Variants in RGSL1 observed in about 807,000 individuals in gnomAD.
The protein encoded by RGSL1 is regulator of G protein signaling like 1, also known as regulator of G protein signaling protein-like.
Under a neutral mutation model 124.7 loss-of-function variants are expected in RGSL1, and 97 were observed. That is an observed-to-expected ratio of 0.78 (90% confidence interval 0.66 to 0.92). The LOEUF (loss-of-function observed/expected upper bound fraction) is 0.92, where lower values mean the gene tolerates loss of function less well. Ranked by LOEUF, RGSL1 falls within the 40% of genes least tolerant of loss-of-function variation. RGSL1 has a pLI of 0.00. For synonymous variants in RGSL1, 424 were observed against 438.1 expected, an observed-to-expected ratio of 0.97 and a Z score of 0.40; for missense variants, 1,233 against 1,288.4, an observed-to-expected ratio of 0.96 and a Z score of 0.66.
Position 182,455,569 on chromosome 1 carries a change from G to A in RGSL1, c.96+1529G>A, listed in dbSNP as rs559530422. 1.3e-4 allele frequency among the ~76,000 whole-genome samples: 20 copies of A among 150,222 alleles called. No homozygotes were observed. In the South Asian group the frequency reaches 1.5e-3, roughly 11 times the overall value. ...TGCACTCCAGCCTAAGTGACAGAGC[G>A]AGACTCCACCTCAAAAAGAAAGAAA... is the stretch of plus-strand genomic sequence containing the variant. On this transcript the variant is annotated intron_variant, in intron 2 of 21. Transcript: ENST00000294854.
At chr1:182,509,794 G>C (rs1410076795) in intron 9 of RGSL1, among the ~76,000 whole-genome samples, 2 of 123,372 alleles carry the variant, frequency 1.6e-5, no homozygotes, top group Non-Finnish European at 3.6e-5. Context: ...TCCCGGATGG[G>C]GCGGCTGGCC....
intron 6 of RGSL1, among the ~76,000 whole-genome samples, chr1:182,476,002 T>G (rs375489786): frequency 1.3e-5 from 2 of 152,208 alleles, no homozygotes; most frequent in East Asian, 1.9e-4. Context: ...AGTAAGTGAA[T>G]TAGCCCAAAG....
At chr1:182,529,653 A>G (rs1299850204) in intron 11 of RGSL1, among the ~76,000 whole-genome samples, 2 of 152,224 alleles carry the variant, frequency 1.3e-5, no homozygotes, top group African/African-American at 4.8e-5. Flanking sequence ...ATTTTTATGA[A>G]TATAGAAAAT....
Position 182,459,657 on chromosome 1 carries a change from A to G in RGSL1, c.172-347A>G, listed in dbSNP as rs148910689. On this transcript the variant is annotated intron_variant, in intron 3 of 21. Transcript: ENST00000294854. ...AAGAAGCAAGTTGAATAGAGTTATG[A>G]TCTGACACCACAGACCCAAATCTTT... Among the ~76,000 whole-genome samples the G allele has an allele frequency of 1.8e-4, 28 of 152,328 alleles. No individual in the cohort carries two copies. The East Asian group carries it at 5.2e-3, about 28-fold the overall frequency.
At chr1:182,464,814 T>C (rs1042405357) in intron 4 of RGSL1, among the ~76,000 whole-genome samples, 9 of 151,784 alleles carry the variant, frequency 5.9e-5, no homozygotes, top group South Asian at 2.1e-4. Context: ...AGTCTTGACA[T>C]GATGGTTCAT....
At chr1:182,554,554 A>G (rs892510842) in intron 19 of RGSL1, 73 bp from the exon 20 acceptor site, 1 of 1,335,308 alleles carries the variant, frequency 7.5e-7, no homozygotes, top group Admixed American at 2.0e-5. Flanking sequence ...ATGGTCCTCC[A>G]GGGTGGAGGC....
intron 17 of RGSL1, 26 bp from the exon 18 acceptor site, chr1:182,551,074 A>G (rs1475477062): frequency 6.6e-7 from 1 of 1,512,254 alleles, no homozygotes; most frequent in Admixed American, 2.0e-5. Flanking sequence ...GTTCCCTCCT[A>G]TGACCAGAAG....
intron 9 of RGSL1, among the ~76,000 whole-genome samples, chr1:182,498,976 A>G (rs1656148515): frequency 6.6e-6 from 1 of 152,068 alleles, no homozygotes; most frequent in African/African-American, 2.4e-5. Context: ...TATTTTTAGT[A>G]GAGATGGGGT....
At chr1:182,553,679 T>C in intron 19 of RGSL1, 138 bp downstream of exon 19, 3 of 721,282 alleles carry the variant, frequency 4.2e-6, no homozygotes, top group East Asian at 5.6e-5. Flanking sequence ...GAAGATCACA[T>C]AGCTTGTGAG....
intron 5 of RGSL1, among the ~76,000 whole-genome samples, chr1:182,473,363 T>G (rs1382426055): frequency 6.6e-6 from 1 of 152,192 alleles, no homozygotes; most frequent in African/African-American, 2.4e-5. Flanking sequence ...CTTATTTCTA[T>G]GGAGAATAAG....
At chr1:182,457,713 A>T (rs1271598089) in intron 2 of RGSL1, among the ~76,000 whole-genome samples, 1 of 152,226 alleles carries the variant, frequency 6.6e-6, no homozygotes, top group Admixed American at 6.5e-5. Context: ...AGACTGCTTA[A>T]GTTTACATAC....
intron 9 of RGSL1, among the ~76,000 whole-genome samples, chr1:182,511,301 A>T (rs369957338): frequency 4.7e-4 from 71 of 152,232 alleles, no homozygotes; most frequent in African/African-American, 1.7e-3. Flanking sequence ...AGTAGCTGGG[A>T]TTACAAGCAT....
At chr1:182,518,505 A>G (rs1258629873) in intron 9 of RGSL1, among the ~76,000 whole-genome samples, 1 of 152,138 alleles carries the variant, frequency 6.6e-6, no homozygotes, top group East Asian at 1.9e-4. Flanking sequence ...CAGAGTTTCC[A>G]GAACTGGGGA....
At chr1:182,506,004 G>A (rs950177935) in intron 9 of RGSL1, among the ~76,000 whole-genome samples, 3 of 151,824 alleles carry the variant, frequency 2.0e-5, no homozygotes, top group Non-Finnish European at 4.4e-5. Context: ...GCTCTTACTA[G>A]GTCTTCCATT....
intron 8 of RGSL1, 111 bp downstream of exon 8, chr1:182,489,313 T>G: frequency 1.0e-6 from 1 of 982,664 alleles, no homozygotes; most frequent in Non-Finnish European, 1.5e-6. Context: ...GTGCAGGGAT[T>G]ACCTAATTTG....
At chr1:182,455,537 G>C (rs1652244038) in intron 2 of RGSL1, among the ~76,000 whole-genome samples, 1 of 151,718 alleles carries the variant, frequency 6.6e-6, no homozygotes, top group Admixed American at 6.6e-5. Context: ...AGCCGAGATT[G>C]CACCACTGCA....
chr1:182,546,601 C>G (rs939405713), intron 15 of RGSL1, among the ~76,000 whole-genome samples: 1 of 152,112 alleles, frequency 6.6e-6, no homozygotes, highest in African/African-American at 2.4e-5. Context: ...ACCATGTTGG[C>G]CAGGATGGTC....
In RGSL1 at chr1:182,505,469, A is replaced by G. The variant is rs993237699; in HGVS notation, c.1825+12340A>G. On this transcript the variant is annotated intron_variant, in intron 9 of 21. Transcript: ENST00000294854. Reference sequence around the variant, plus strand: ...TTCACCAAGACTTTCCCTAGTTGTCATAAATTCTTGACTAGATTCAAGAAT... The same window carrying G: ...TTCACCAAGACTTTCCCTAGTTGTCGTAAATTCTTGACTAGATTCAAGAAT... Among the ~76,000 whole-genome samples, 7 of 152,252 alleles carry G rather than the reference A, an allele frequency of 4.6e-5. No individual in the cohort carries two copies. The East Asian group carries it at 1.4e-3, about 29-fold the overall frequency.
intron 15 of RGSL1, among the ~76,000 whole-genome samples, chr1:182,541,476 A>T (rs1169414724): frequency 6.6e-6 from 1 of 152,154 alleles, no homozygotes; most frequent in Non-Finnish European, 1.5e-5. Context: ...CCATTCATCC[A>T]CTGATGGGCA....
Sources: gnomAD v4.1 joint callset for allele counts (sites outside exome capture counted in the v4.1 genomes callset) on GRCh38, gnomAD v4.1.1 for gene constraint, MANE v1.5 for transcripts, NCBI Gene and HGNC (gene_info 2026-07-23, HGNC 2026-07-21) for gene names.